Variants in PRUNE2 observed in about 807,000 individuals in gnomAD.
PRUNE2 encodes the protein prune homolog 2 with BCH domain, also known as protein prune homolog 2.
A neutral mutation model predicts 252.0 loss-of-function variants in PRUNE2; 164 were observed. The observed-to-expected ratio is 0.65, with a 90% CI of 0.57 to 0.74. The LOEUF is 0.74. PRUNE2 is among the 30% of genes least tolerant of loss of function. PRUNE2 has a pLI of 0.00. For missense variants in PRUNE2, 3,495 were observed against 3,711.0 expected (o/e 0.94, Z 1.51); for synonymous variants, 1,292 against 1,350.2 (o/e 0.96, Z 0.94).
In PRUNE2 at chr9:76,703,485, C is replaced by T. The variant is rs1360380402; in HGVS notation, c.8128G>A (p.Asp2710Asn). 1 of 1,613,786 alleles carries T rather than the reference C, an allele frequency of 6.2e-7. No homozygotes were observed. The highest frequency in any genetic ancestry group is 1.7e-5 in the Admixed American group (1 of 60,000). ...GTGACAGCCTGCAACGTAACTGCAT[C>T]CGGGCCAGCCCTGCCTCGGCTCTTA... ...KSKSRGRAGP[D>N]AVTLQAVTHD... The change falls in exon 9 of 19, where the codon GAT (aspartate) becomes AAT (asparagine). Residue 2710 changes from aspartate to asparagine, a missense_variant. By Grantham distance (23) the Asp-to-Asn change is conservative. Coordinates refer to ENST00000376718, the MANE Select transcript of PRUNE2 (RefSeq NM_015225.3).
intron 9 of PRUNE2, among the ~76,000 whole-genome samples, chr9:76,698,170 C>T (rs2045564378): frequency 6.6e-6 from 1 of 151,984 alleles, no homozygotes; most frequent in Non-Finnish European, 1.5e-5. Flanking sequence ...CCTCAGCCTC[C>T]CGAGTAGCTG....
chr9:76,720,381 A>G (rs904766784), intron 6 of PRUNE2, among the ~76,000 whole-genome samples: 2 of 152,238 alleles, frequency 1.3e-5, no homozygotes, highest in African/African-American at 4.8e-5. Context: ...CCAAGGTAGT[A>G]AAGACCTACG....
intron 9 of PRUNE2, among the ~76,000 whole-genome samples, chr9:76,665,769 C>T (rs1447666847): frequency 6.6e-6 from 1 of 152,142 alleles, no homozygotes; most frequent in African/African-American, 2.4e-5. Flanking sequence ...CGTGGTGGCT[C>T]ACACCTGTAA....
intron 6 of PRUNE2, among the ~76,000 whole-genome samples, chr9:76,792,716 T>C (rs867721565): frequency 6.6e-6 from 1 of 152,278 alleles, no homozygotes; most frequent in Non-Finnish European, 1.5e-5. Context: ...TGTTCTTTTT[T>C]AAATGAAAGA....
chr9:76,828,880 G>T (rs1448125566), intron 4 of PRUNE2, among the ~76,000 whole-genome samples: 1 of 151,880 alleles, frequency 6.6e-6, no homozygotes, highest in Non-Finnish European at 1.5e-5. Context: ...AGCCAGGAGC[G>T]GTGGCGGGTG....
chr9:76,637,039 C>T (rs1194371319), intron 14 of PRUNE2, among the ~76,000 whole-genome samples: 1 of 150,216 alleles, frequency 6.7e-6, no homozygotes, highest in Admixed American at 6.7e-5. Flanking sequence ...ATGCAAGTTA[C>T]TATTACCTGG....
intron 15 of PRUNE2, among the ~76,000 whole-genome samples, chr9:76,630,329 C>T (rs1419094689): frequency 6.8e-6 from 1 of 147,758 alleles, no homozygotes; most frequent in African/African-American, 2.5e-5. Flanking sequence ...AAAATATGTT[C>T]CAATAATTGG....
At chr9:76,726,909 T>TG (rs1564161762) in intron 6 of PRUNE2, among the ~76,000 whole-genome samples, 1 of 152,216 alleles carries the variant, frequency 6.6e-6, no homozygotes, top group African/African-American at 2.4e-5. Flanking sequence ...CTCACTCTGG[T>TG]GGAACAAGAG....
At chr9:76,636,817 G>A (rs188363954) in intron 14 of PRUNE2, among the ~76,000 whole-genome samples, 28 of 152,124 alleles carry the variant, frequency 1.8e-4, no homozygotes, top group African/African-American at 5.5e-4. Context: ...TTAGCTGGGC[G>A]TGGTGGTGCC....
intron 9 of PRUNE2, among the ~76,000 whole-genome samples, chr9:76,699,982 T>C (rs2045739297): frequency 6.6e-6 from 1 of 152,180 alleles, no homozygotes; most frequent in South Asian, 2.1e-4. Context: ...GCTGGACAGG[T>C]CTATAGCTGG....
Position 76,705,188 on chromosome 9 carries a change from A to G in PRUNE2, c.7086T>C (p.Asp2362=). The G allele has an allele frequency of 1.2e-6, 2 of 1,614,004 alleles. No individual in the cohort carries two copies. The highest frequency in any genetic ancestry group is 1.7e-6 in the Non-Finnish European group (2 of 1,179,878). The change falls in exon 8 of 19, where the codon GAT becomes GAC. Residue 2362 remains aspartate, a synonymous_variant. Coordinates refer to ENST00000376718, the MANE Select transcript of PRUNE2 (RefSeq NM_015225.3). ...GTTCAGGCTCTCTCAGTAAATCTTC[A>G]TCGATATTCTGGCCCATTACATCAT... ...FEYDVMGQNI[D]EDLLREPEHF...
intron 1 of PRUNE2, among the ~76,000 whole-genome samples, chr9:76,876,226 C>G (rs2061469261): frequency 6.6e-6 from 1 of 152,154 alleles, no homozygotes; most frequent in East Asian, 1.9e-4. Flanking sequence ...AATGAATAAG[C>G]AGAACTCAAA....
chr9:76,844,573 C>A (rs2059570970), intron 4 of PRUNE2, among the ~76,000 whole-genome samples: 2 of 152,104 alleles, frequency 1.3e-5, no homozygotes, highest in African/African-American at 2.4e-5. Flanking sequence ...TCCTTCTTGC[C>A]AAAGCTATTT....
At chr9:76,798,053 A>G (rs1404566528) in intron 6 of PRUNE2, among the ~76,000 whole-genome samples, 2 of 152,220 alleles carry the variant, frequency 1.3e-5, no homozygotes, top group Non-Finnish European at 2.9e-5. Context: ...CCCCTCTCCC[A>G]TGATTAAAGC....
chr9:76,902,712 C>G (rs968172858), intron 1 of PRUNE2, among the ~76,000 whole-genome samples: 3 of 152,206 alleles, frequency 2.0e-5, no homozygotes, highest in Non-Finnish European at 2.9e-5. Flanking sequence ...CCACCTCCAA[C>G]CAAGTTTTTC....
intron 6 of PRUNE2, 191 bp downstream of exon 6, chr9:76,823,441 T>A (rs2058150186): frequency 3.8e-6 from 2 of 532,570 alleles, no homozygotes; most frequent in African/African-American, 3.8e-5. Flanking sequence ...GAATCCAGGT[T>A]TGGCATTTTT....
At chr9:76,879,176 G>T (rs953821777) in intron 1 of PRUNE2, among the ~76,000 whole-genome samples, 3 of 152,194 alleles carry the variant, frequency 2.0e-5, no homozygotes, top group Non-Finnish European at 2.9e-5. Context: ...CTTCATGTTA[G>T]TTCACTGTAA....
At position 76,707,599 on chromosome 9, in the gene PRUNE2, A is replaced by G. The variant is rs373577038; in HGVS notation, c.4675T>C (p.Ser1559Pro). The change falls in exon 8 of 19, where the codon TCC (serine) becomes CCC (proline). Residue 1559 changes from serine (S) to proline (P), a missense_variant. Ser to Pro is a moderately conservative substitution (Grantham distance 74). Transcript: ENST00000376718. ...ELNDSSVALS[S>P]WGQQPSSGYQ... ...CCAGAACTGGGTTGCTGGCCCCAGG[A>G]GGACAGTGCAACTGAAGAGTCATTT... 6 of 1,613,822 alleles carry G rather than the reference A, an allele frequency of 3.7e-6. No individual in the cohort carries two copies. The African/African-American group carries it at 6.7e-5, about 18-fold the overall frequency.
At chr9:76,842,880 A>G (rs924371397) in intron 4 of PRUNE2, among the ~76,000 whole-genome samples, 3 of 152,192 alleles carry the variant, frequency 2.0e-5, no homozygotes, top group African/African-American at 7.2e-5. Context: ...TGTTGGTGGG[A>G]GTGTAAATTA....
Sources: gnomAD v4.1 joint callset for allele counts (sites outside exome capture counted in the v4.1 genomes callset) on GRCh38, gnomAD v4.1.1 for gene constraint, MANE v1.5 for transcripts, NCBI Gene and HGNC (gene_info 2026-07-23, HGNC 2026-07-21) for gene names.